HNF4G: variants seen among roughly 807,000 people sequenced by gnomAD.
HNF4G encodes hepatocyte nuclear factor 4-gamma.
HNF4G carries 21 observed loss-of-function variants against 50.9 expected under a neutral mutation model. That is an observed-to-expected ratio of 0.41 (90% CI 0.29 to 0.59). The LOEUF (loss-of-function observed/expected upper bound fraction) is 0.59. Ranked by LOEUF, HNF4G falls within the 20% of genes least tolerant of loss-of-function variation. HNF4G has a pLI of 0.26. For missense variants in HNF4G, 527 were observed against 559.4 expected (o/e 0.94, Z 0.58); for synonymous variants, 198 against 185.6 (o/e 1.07, Z -0.54).
chr8:75,469,250 G>A (rs1262262420), intron 1 of HNF4G, among the ~76,000 whole-genome samples: 1 of 152,064 alleles, frequency 6.6e-6, no homozygotes, highest in Admixed American at 6.6e-5. Context: ...TAGTCAAAGC[G>A]GTTTCAGGGC....
intron 1 of HNF4G, among the ~76,000 whole-genome samples, chr8:75,485,018 T>A (rs900164537): frequency 5.3e-5 from 8 of 152,232 alleles, no homozygotes; most frequent in Admixed American, 1.3e-4. Context: ...TTGTAAGTGG[T>A]TGTACTGAAT....
intron 1 of HNF4G, among the ~76,000 whole-genome samples, chr8:75,415,488 T>TA (rs1810612091): frequency 6.6e-6 from 1 of 152,158 alleles, no homozygotes; most frequent in Admixed American, 6.5e-5. Context: ...TTTTCAAAAA[T>TA]AAAGAGTAGC....
At chr8:75,448,806 G>C (rs1252581146) in intron 1 of HNF4G, among the ~76,000 whole-genome samples, 1 of 152,012 alleles carries the variant, frequency 6.6e-6, no homozygotes, top group African/African-American at 2.4e-5. Flanking sequence ...CAGATTTGAT[G>C]AAAGTTAAAC....
At chr8:75,442,594 T>C (rs1008677160) in intron 1 of HNF4G, among the ~76,000 whole-genome samples, 15 of 151,792 alleles carry the variant, frequency 9.9e-5, no homozygotes, top group Non-Finnish European at 1.6e-4. Flanking sequence ...AATTTAAAAA[T>C]AATAAAATAT....
chr8:75,537,675 T>G (rs1169458196), upstream of HNF4G, among the ~76,000 whole-genome samples: 1 of 152,132 alleles, frequency 6.6e-6, no homozygotes, highest in African/African-American at 2.4e-5. Flanking sequence ...GAATTTTTGC[T>G]TTGGATTGCC....
At chr8:75,460,840 A>C (rs1273656603) in intron 1 of HNF4G, among the ~76,000 whole-genome samples, 1 of 152,202 alleles carries the variant, frequency 6.6e-6, no homozygotes, top group Non-Finnish European at 1.5e-5. Flanking sequence ...CTAATATGTT[A>C]TGAAGAATTG....
At chr8:75,479,222 G>T (rs1053858801) in intron 1 of HNF4G, among the ~76,000 whole-genome samples, 3 of 152,128 alleles carry the variant, frequency 2.0e-5, no homozygotes, top group Admixed American at 6.6e-5. Flanking sequence ...AGAGGCAAAG[G>T]ATTCATTTAT....
chr8:75,508,533 T>G (rs981582888), intron 2 of HNF4G, among the ~76,000 whole-genome samples: 8 of 152,240 alleles, frequency 5.3e-5, no homozygotes, highest in African/African-American at 1.7e-4. Context: ...TATTCATTTA[T>G]TCAAAAGCTA....
chr8:75,520,504 CT>C, intron 2 of HNF4G, among the ~76,000 whole-genome samples: 1 of 152,124 alleles, frequency 6.6e-6, no homozygotes, highest in Admixed American at 6.5e-5. Context: ...GTGAAATGAT[CT>C]TGGCTCACTG....
intron 2 of HNF4G, among the ~76,000 whole-genome samples, chr8:75,547,115 C>A (rs1454465654): frequency 6.6e-6 from 1 of 152,096 alleles, no homozygotes; most frequent in East Asian, 1.9e-4. Flanking sequence ...TCAATGACCT[C>A]TTAATAGATA....
chr8:75,425,155 G>A (rs569263379), intron 1 of HNF4G, among the ~76,000 whole-genome samples: 1 of 150,938 alleles, frequency 6.6e-6, no homozygotes, highest in African/African-American at 2.4e-5. Flanking sequence ...GTGCAATCTC[G>A]GCTCACTGCA....
chr8:75,546,361 T>C (rs1362851668), intron 2 of HNF4G, among the ~76,000 whole-genome samples: 2 of 152,164 alleles, frequency 1.3e-5, no homozygotes, highest in African/African-American at 4.8e-5. Flanking sequence ...TTTCAGAGAC[T>C]GTACTCTTTT....
chr8:75,510,368 A>T (rs934253718), intron 2 of HNF4G, among the ~76,000 whole-genome samples: 1 of 152,200 alleles, frequency 6.6e-6, no homozygotes, highest in Non-Finnish European at 1.5e-5. Context: ...TTTGAAAAAC[A>T]TTTTAAAATA....
chr8:75,491,624 T>G (rs2130683440), intron 2 of HNF4G, among the ~76,000 whole-genome samples: 2 of 152,160 alleles, frequency 1.3e-5, no homozygotes, highest in South Asian at 4.1e-4. Flanking sequence ...TACAGGCACA[T>G]GCCACCACAG....
chr8:75,504,236 C>G (rs867425011), intron 2 of HNF4G, among the ~76,000 whole-genome samples: 57 of 82,202 alleles, frequency 6.9e-4, no homozygotes, highest in African/African-American at 4.4e-3. Flanking sequence ...CACAGACACA[C>G]ACACACACAC....
At chr8:75,550,976 G>A (rs561894076) in intron 3 of HNF4G, among the ~76,000 whole-genome samples, 188 of 152,166 alleles carry the variant, frequency 1.2e-3, no homozygotes, top group Non-Finnish European at 2.2e-3. Flanking sequence ...AAAAGAAAAT[G>A]GAAGTTTCAA....
At chr8:75,536,422 T>G (rs1436944411), upstream of HNF4G, among the ~76,000 whole-genome samples, 3 of 152,006 alleles carry the variant, frequency 2.0e-5, no homozygotes, top group African/African-American at 7.2e-5. Context: ...TTTCTTCTAC[T>G]ATCACTTAGG....
intron 3 of HNF4G, among the ~76,000 whole-genome samples, chr8:75,550,009 A>T (rs1229328302): frequency 1.3e-5 from 2 of 152,286 alleles, no homozygotes; most frequent in Non-Finnish European, 2.9e-5. Context: ...AAACCCACAG[A>T]CAACTCACTC....
At chr8:75,551,030 T>A (rs1486895015) in intron 3 of HNF4G, among the ~76,000 whole-genome samples, 1 of 152,200 alleles carries the variant, frequency 6.6e-6, no homozygotes, top group Non-Finnish European at 1.5e-5. Context: ...ACTCTTATCT[T>A]TGACCTGGTC....
Sources: gnomAD v4.1 joint callset for allele counts (sites outside exome capture counted in the v4.1 genomes callset) on GRCh38, gnomAD v4.1.1 for gene constraint, MANE v1.5 for transcripts, NCBI Gene and HGNC (gene_info 2026-07-23, HGNC 2026-07-21) for gene names.